The following RBPJ variants were observed in gnomAD, a reference collection of about 807,000 sequenced individuals.
RBPJ encodes recombining binding protein suppressor of hairless.
Under a neutral mutation model 67.8 loss-of-function variants are expected in RBPJ, and 9 were observed. The observed-to-expected ratio is 0.13, with a 90% CI of 0.08 to 0.23. The LOEUF (loss-of-function observed/expected upper bound fraction) is 0.23, where lower values mean the gene tolerates loss of function less well. Ranked by LOEUF, RBPJ falls within the 10% of genes least tolerant of loss-of-function variation. The pLI, the probability that RBPJ is intolerant of heterozygous loss-of-function variation, is 1.00. For synonymous variants in RBPJ, 198 were observed against 203.3 expected (o/e 0.97, Z 0.22); for missense variants, 305 against 595.6 (o/e 0.51, Z 5.08).
chr4:26,130,442 G>A, the RBPJ span, among the ~76,000 whole-genome samples: 2 of 151,984 alleles, frequency 1.3e-5, no homozygotes, highest in African/African-American at 2.4e-5. Flanking sequence ...AGCTTCTGTG[G>A]GCAGGGACGT....
intron 1 of RBPJ, among the ~76,000 whole-genome samples, chr4:26,190,966 C>G (rs4495024): frequency 1.3e-5 from 2 of 150,162 alleles, no homozygotes. Flanking sequence ...GGCAACATAC[C>G]GAGACCTCGT....
intron 1 of RBPJ, among the ~76,000 whole-genome samples, chr4:26,210,686 C>CTTTCTTTCTTTCTTTCTTTCTTT (rs56289492): frequency 0.011 from 733 of 65,262 alleles, 81 homozygotes; most frequent in East Asian, 0.03. Context: ...TTCTTTCTTT[C>CTTTCTTTCTTTCTTTCTTTCTTT]CTTTCTTTCT....
upstream of RBPJ, chr4:26,320,627 C>T (rs1241346297): frequency 5.4e-6 from 6 of 1,113,226 alleles, no homozygotes; most frequent in Non-Finnish European, 7.5e-6. Context: ...GACCCCTCCT[C>T]CCTTCTCCTC....
intron 5 of RBPJ, among the ~76,000 whole-genome samples, chr4:26,421,182 T>G (rs992662440): frequency 1.2e-4 from 19 of 152,242 alleles, no homozygotes; most frequent in Admixed American, 7.8e-4. Context: ...ATTTTTAATG[T>G]GGTTGCTCTG....
At chr4:26,255,110 A>C (rs1720255040) in intron 1 of RBPJ, among the ~76,000 whole-genome samples, 1 of 147,178 alleles carries the variant, frequency 6.8e-6, no homozygotes, top group African/African-American at 2.5e-5. Context: ...CCTGCCCTAG[A>C]ATGTAACATC....
At chr4:26,420,880 C>A in intron 5 of RBPJ, 155 bp downstream of exon 5, 1 of 630,462 alleles carries the variant, frequency 1.6e-6, no homozygotes, top group Non-Finnish European at 2.7e-6. Flanking sequence ...AATCGTAAAT[C>A]GACAGTATGT....
upstream of RBPJ, among the ~76,000 whole-genome samples, chr4:26,162,445 T>C (rs1428223573): frequency 6.6e-6 from 1 of 152,252 alleles, no homozygotes; most frequent in Non-Finnish European, 1.5e-5. Flanking sequence ...CCAAGGCCAC[T>C]CTGCTAATTC....
chr4:26,418,115 A>G (rs1734770471), intron 4 of RBPJ, among the ~76,000 whole-genome samples: 1 of 152,174 alleles, frequency 6.6e-6, no homozygotes, highest in Non-Finnish European at 1.5e-5. Flanking sequence ...TGTTTCTATA[A>G]TTTAAACATT....
chr4:26,134,968 T>A, the RBPJ span, among the ~76,000 whole-genome samples: 2 of 152,106 alleles, frequency 1.3e-5, no homozygotes, highest in African/African-American at 2.4e-5. Flanking sequence ...CAGTGGCAGG[T>A]CTTCGGTACC....
the RBPJ span, among the ~76,000 whole-genome samples, chr4:26,109,411 CCTCTCT>C: frequency 2.1e-5 from 1 of 48,692 alleles, no homozygotes; most frequent in Non-Finnish European, 4.0e-5. Flanking sequence ...TGTCCACCTT[CCTCTCT>C]CTCTCTCCCT....
intron 1 of RBPJ, among the ~76,000 whole-genome samples, chr4:26,239,747 A>G (rs928103468): frequency 8.6e-5 from 13 of 151,546 alleles, no homozygotes; most frequent in African/African-American, 3.2e-4. Context: ...AGGGGAGGGG[A>G]GAGGAGAGGA....
intron 1 of RBPJ, among the ~76,000 whole-genome samples, chr4:26,191,210 TAGAGAGAGAG>T (rs545388933): frequency 0.013 from 353 of 26,770 alleles, 5 homozygotes; most frequent in Middle Eastern, 0.036. Flanking sequence ...TATATATATA[TAGAGAGAGAG>T]AGAGAGAGAG....
intron 1 of RBPJ, among the ~76,000 whole-genome samples, chr4:26,327,932 G>A (rs947829800): frequency 6.6e-6 from 1 of 152,092 alleles, no homozygotes; most frequent in Non-Finnish European, 1.5e-5. Flanking sequence ...AAATATAAAT[G>A]TAATATTGTA....
chr4:26,321,649 G>C (rs1404061207), intron 1 of RBPJ: 1 of 153,682 alleles, frequency 6.5e-6, no homozygotes, highest in Non-Finnish European at 1.4e-5. Flanking sequence ...TGCCTTAATT[G>C]TTCTTCCATT....
chr4:26,271,904 C>T (rs547264462), intron 1 of RBPJ, among the ~76,000 whole-genome samples: 2 of 152,160 alleles, frequency 1.3e-5, no homozygotes, highest in Admixed American at 1.3e-4. Context: ...GAGACACGTG[C>T]GTGCTTGAAC....
At chr4:26,129,280 C>G in the RBPJ span, among the ~76,000 whole-genome samples, 1 of 152,190 alleles carries the variant, frequency 6.6e-6, no homozygotes, top group African/African-American at 2.4e-5. Context: ...CCATCCTACC[C>G]TGCCGTGAAT....
chr4:26,342,282 AAG>A (rs1553865986), intron 1 of RBPJ, among the ~76,000 whole-genome samples: 2 of 151,078 alleles, frequency 1.3e-5, no homozygotes, highest in African/African-American at 2.5e-5. Context: ...AAAAAAAAAA[AAG>A]GGAATGTGGT....
chr4:26,297,333 T>TG (rs1342394675), intron 1 of RBPJ, among the ~76,000 whole-genome samples: 1 of 142,772 alleles, frequency 7.0e-6, no homozygotes, highest in Non-Finnish European at 1.5e-5. Flanking sequence ...AAAAAATCAC[T>TG]TTGTGTGTGT....
At chr4:26,170,555 A>AG (rs145065041) in intron 1 of RBPJ, among the ~76,000 whole-genome samples, 8,349 of 150,856 alleles carry the variant, frequency 0.055, 342 homozygotes, top group African/African-American at 0.11. Flanking sequence ...AAAAAAAAAA[A>AG]AGGAATGGAA....
Sources: allele counts gnomAD v4.1 joint callset (sites outside exome capture counted in the v4.1 genomes callset), GRCh38; gene constraint gnomAD v4.1.1; transcripts MANE v1.5; gene names NCBI Gene and HGNC (gene_info 2026-07-23, HGNC 2026-07-21).